LDAH: variants seen among roughly 807,000 people sequenced by gnomAD.
LDAH encodes lipid droplet-associated hydrolase.
In LDAH, 26 loss-of-function variants were observed where a neutral mutation model predicts 29.6. The observed-to-expected ratio is 0.88, with a 90% confidence interval of 0.64 to 1.22. The LOEUF (loss-of-function observed/expected upper bound fraction) is 1.22, where lower values mean the gene tolerates loss of function less well. Among genes scored for constraint, LDAH ranks in the 50% most tolerant of loss-of-function variants. LDAH has a pLI of 0.00. For missense variants in LDAH, 344 were observed against 387.3 expected (o/e 0.89, Z 0.94); for synonymous variants, 117 against 133.0 (o/e 0.88, Z 0.83).
chr2:20,820,460 AC>A (rs1321038293), intron 1 of LDAH, among the ~76,000 whole-genome samples: 3 of 152,164 alleles, frequency 2.0e-5, no homozygotes, highest in African/African-American at 7.2e-5. Flanking sequence ...AAATAATACC[AC>A]ACATCTACAA....
intron 5 of LDAH, among the ~76,000 whole-genome samples, chr2:20,739,713 G>T (rs13383450): frequency 0.016 from 2,439 of 152,308 alleles, 61 homozygotes; most frequent in African/African-American, 0.056. Flanking sequence ...TGCGGAAGAA[G>T]TGTTTCTCAC....
chr2:20,790,411 A>T lies in LDAH; in HGVS notation c.155-13T>A. The T allele has an allele frequency of 2.5e-6, 4 of 1,610,852 alleles. No homozygotes were observed. The highest frequency in any genetic ancestry group is 3.4e-6 in the Non-Finnish European group (4 of 1,178,574). ...AAACCTGGGTTACCTAAGAAAAGAA[A>T]CACAGACCTTAGATTAATCAAAGTA... On this transcript the variant is annotated splice_polypyrimidine_tract_variant and intron_variant, in intron 2 of 6. Coordinates refer to ENST00000237822, the MANE Select transcript of LDAH (RefSeq NM_021925.4).
At chr2:20,715,098 T>C (rs181728942) in intron 5 of LDAH, among the ~76,000 whole-genome samples, 3 of 152,286 alleles carry the variant, frequency 2.0e-5, no homozygotes, top group Admixed American at 2.0e-4. Flanking sequence ...TTTAGACCAA[T>C]ATCGCTGATG....
intron 4 of LDAH, among the ~76,000 whole-genome samples, chr2:20,770,099 C>T (rs367961730): frequency 1.4e-4 from 21 of 152,210 alleles, no homozygotes; most frequent in African/African-American, 4.3e-4. Flanking sequence ...TACCACTGCC[C>T]TTAAATCACT....
At chr2:20,692,564 T>G (rs1351504892) in intron 6 of LDAH, among the ~76,000 whole-genome samples, 1 of 152,224 alleles carries the variant, frequency 6.6e-6, no homozygotes, top group African/African-American at 2.4e-5. Context: ...ATAAAAGGGC[T>G]AATAAAATGA....
intron 1 of LDAH, among the ~76,000 whole-genome samples, chr2:20,814,757 C>T (rs1315927546): frequency 6.6e-6 from 1 of 152,154 alleles, no homozygotes; most frequent in African/African-American, 2.4e-5. Flanking sequence ...TTCATTTCAT[C>T]TTCATTCCTG....
rs879864231 is a variant in LDAH at position 20,783,354 on chromosome 2, A to G, written c.298+6901T>C. Among the ~76,000 whole-genome samples, 5 of 152,222 alleles carry G rather than the reference A, an allele frequency of 3.3e-5. No homozygotes were observed. The South Asian group carries it at 8.3e-4, about 25-fold the overall frequency. ...ACTGAAGGTGCAATTCAGTTCAACT[A>G]TATCTTTACTGCCTTTCTGTTTGCT... On this transcript the variant is annotated intron_variant, in intron 3 of 6. Coordinates refer to ENST00000237822, the MANE Select transcript of LDAH (RefSeq NM_021925.4).
intron 4 of LDAH, among the ~76,000 whole-genome samples, chr2:20,758,491 C>T (rs950463888): frequency 6.6e-6 from 1 of 152,048 alleles, no homozygotes; most frequent in African/African-American, 2.4e-5. Context: ...ATATCTAGAA[C>T]GAGGCAGGGA....
At chr2:20,737,988 G>A (rs903918718) in intron 5 of LDAH, among the ~76,000 whole-genome samples, 4 of 151,894 alleles carry the variant, frequency 2.6e-5, no homozygotes, top group Admixed American at 2.0e-4. Flanking sequence ...ACATGGTGGC[G>A]CATGCCTGTA....
At chr2:20,797,792 A>G (rs1252909751) in intron 2 of LDAH, among the ~76,000 whole-genome samples, 1 of 152,226 alleles carries the variant, frequency 6.6e-6, no homozygotes, top group Admixed American at 6.5e-5. Context: ...AAAAGAAAAG[A>G]AAATGATATT....
intron 5 of LDAH, among the ~76,000 whole-genome samples, chr2:20,717,050 T>C (rs1030222489): frequency 6.6e-6 from 1 of 152,176 alleles, no homozygotes; most frequent in Non-Finnish European, 1.5e-5. Context: ...TGGATAGTCC[T>C]ATGGAGAAGA....
At chr2:20,722,931 C>T (rs547737402) in intron 5 of LDAH, among the ~76,000 whole-genome samples, 3 of 152,238 alleles carry the variant, frequency 2.0e-5, no homozygotes, top group African/African-American at 7.2e-5. Context: ...ACTTTGGAAA[C>T]CATTTAGTAT....
chr2:20,704,012 C>T (rs149232984), intron 5 of LDAH, among the ~76,000 whole-genome samples: 1 of 152,274 alleles, frequency 6.6e-6, no homozygotes, highest in African/African-American at 2.4e-5. Context: ...TGTGCAGTGA[C>T]AGAGGTGGCC....
At chr2:20,695,688 T>A (rs1026820106) in intron 6 of LDAH, among the ~76,000 whole-genome samples, 1 of 152,064 alleles carries the variant, frequency 6.6e-6, no homozygotes, top group Non-Finnish European at 1.5e-5. Context: ...GACCTCATGA[T>A]CCACCCGCCT....
At chr2:20,809,286 C>T (rs1031435892) in intron 1 of LDAH, among the ~76,000 whole-genome samples, 10 of 151,594 alleles carry the variant, frequency 6.6e-5, no homozygotes, top group African/African-American at 2.4e-4. Flanking sequence ...GTAATCCCAG[C>T]TACTCAGGAG....
chr2:20,701,475 A>T, intron 6 of LDAH, 95 bp downstream of exon 6: 2 of 997,844 alleles, frequency 2.0e-6, no homozygotes, highest in Non-Finnish European at 3.1e-6. Flanking sequence ...ACCAACCCTT[A>T]AAGTCTTACA....
chr2:20,692,459 TTAAAA>T (rs1663102972), intron 6 of LDAH, among the ~76,000 whole-genome samples: 1 of 152,248 alleles, frequency 6.6e-6, no homozygotes, highest in Admixed American at 6.5e-5. Context: ...TAGCAACATC[TTAAAA>T]TAATAACAAT....
At chr2:20,735,035 T>C (rs1182910274) in intron 5 of LDAH, among the ~76,000 whole-genome samples, 1 of 152,220 alleles carries the variant, frequency 6.6e-6, no homozygotes, top group African/African-American at 2.4e-5. Flanking sequence ...CGCTTTGCTC[T>C]TCTGGCTGCT....
In LDAH at chr2:20,776,643, G is replaced by A. The variant is rs190205955; in HGVS notation, c.299-1664C>T. Among the ~76,000 whole-genome samples the A allele has an allele frequency of 3.6e-4, 55 of 152,314 alleles. 1 individual carries two copies. The East Asian group carries it at 8.1e-3, about 22-fold the overall frequency. On this transcript the variant is annotated intron_variant, in intron 3 of 6. Coordinates refer to ENST00000237822, the MANE Select transcript of LDAH (RefSeq NM_021925.4). ...AGCATGAAACAGAATTGGGAAGAGAGAGAATCTGGAACCTGACTTTGGTAG... is the reference window on the plus strand; with the variant it reads ...AGCATGAAACAGAATTGGGAAGAGAAAGAATCTGGAACCTGACTTTGGTAG...
Sources: allele counts gnomAD v4.1 joint callset (sites outside exome capture counted in the v4.1 genomes callset), GRCh38; gene constraint gnomAD v4.1.1; transcripts MANE v1.5; gene names NCBI Gene and HGNC (gene_info 2026-07-23, HGNC 2026-07-21).